The following RERE variants were observed in gnomAD, a reference collection of about 807,000 sequenced individuals.
RERE encodes arginine-glutamic acid dipeptide repeats protein.
In RERE, 40 loss-of-function variants were observed where a neutral mutation model predicts 146.1. The ratio of observed to expected loss-of-function variants is 0.27; its 90% CI spans 0.21 to 0.36. The LOEUF is 0.36. Among genes scored for constraint, RERE ranks in the 10% least tolerant of loss-of-function variants. RERE has a pLI of 1.00. For synonymous variants in RERE, 1,003 were observed against 866.0 expected, an observed-to-expected ratio of 1.16 and a Z score of -2.78; for missense variants, 1,933 against 2,138.7, an observed-to-expected ratio of 0.90 and a Z score of 1.90.
At chr1:8,808,351 A>G (rs145133329) in intron 1 of RERE, among the ~76,000 whole-genome samples, 258 of 152,250 alleles carry the variant, frequency 1.7e-3, no homozygotes, top group African/African-American at 6.0e-3. Flanking sequence ...CAAACCATCT[A>G]GAGTTCACCC....
intron 7 of RERE, among the ~76,000 whole-genome samples, chr1:8,540,104 T>C (rs1645781413): frequency 1.3e-5 from 2 of 152,084 alleles, no homozygotes; most frequent in South Asian, 2.1e-4. Flanking sequence ...TATTTTTTAT[T>C]CTTTTAAAAG....
chr1:8,798,989 G>C lies in RERE; in HGVS notation c.-145+18171C>G, dbSNP rs1204764865. On this transcript the variant is annotated intron_variant, in intron 1 of 22. Coordinates refer to ENST00000400908, the MANE Select transcript of RERE (RefSeq NM_001042681.2). ...TTACAGGCGTGAGCCACTGTGCCCG[G>C]CCTTTTTGTTTTTGTTTTTGTTTTG... Among the ~76,000 whole-genome samples the C allele has an allele frequency of 4.0e-5, 6 of 150,604 alleles. No homozygotes were observed. The East Asian group carries it at 1.2e-3, about 29-fold the overall frequency.
intron 11 of RERE, among the ~76,000 whole-genome samples, chr1:8,428,046 G>A (rs936162687): frequency 1.3e-5 from 2 of 152,082 alleles, no homozygotes; most frequent in Admixed American, 6.6e-5. Flanking sequence ...GCTGAAATTC[G>A]GCATTTCCAG....
intron 1 of RERE, among the ~76,000 whole-genome samples, chr1:8,717,605 G>A (rs1369361578): frequency 6.6e-6 from 1 of 152,160 alleles, no homozygotes; most frequent in East Asian, 1.9e-4. Context: ...GGCATCATTA[G>A]GCAGTAGCAA....
chr1:8,599,245 C>A (rs1171268397), intron 4 of RERE, among the ~76,000 whole-genome samples: 2 of 152,174 alleles, frequency 1.3e-5, no homozygotes, highest in East Asian at 3.8e-4. Context: ...GAGCTGAAAT[C>A]CTACCAGCCA....
Position 8,358,409 on chromosome 1 carries a change from T to C in RERE, c.4126A>G (p.Arg1376Gly). 1 of 1,603,200 alleles carries C rather than the reference T, an allele frequency of 6.2e-7. No homozygotes were observed. The highest frequency in any genetic ancestry group is 2.2e-5 in the East Asian group (1 of 44,544). The part of the protein sequence containing the change: ...SFHPGLNPLE[R>G]ERLALAGPQL... ...GGGCCCGCCAGGGCCAGTCTCTCCC[T>C]CTCCAAGGGGTTCAGGCCCGGGTGG... is the stretch of plus-strand genomic sequence containing the variant. Residue 1376 changes from arginine to glycine, a missense_variant, in exon 20 of 23, where the codon AGG becomes GGG. Coordinates refer to ENST00000400908, the MANE Select transcript of RERE (RefSeq NM_001042681.2).
rs140247592 is a variant in RERE, at chr1:8,787,880, T to C, written c.-145+29280A>G. ...TTTGGTGTATGGTTTTCCTTTATCG[T>C]TCTTAATTTAAAAGTATTACCAGCC... On this transcript the variant is annotated intron_variant, in intron 1 of 22. Transcript: ENST00000400908. Among the ~76,000 whole-genome samples, 737 of 150,170 alleles carry C rather than the reference T, an allele frequency of 4.9e-3. 4 individuals carry two copies. The highest frequency in any genetic ancestry group is 0.017 in the African/African-American group (708 of 40,850).
chr1:8,359,486 CAGG>C (rs1570027781), intron 19 of RERE, among the ~76,000 whole-genome samples: 2 of 152,360 alleles, frequency 1.3e-5, no homozygotes, highest in East Asian at 3.9e-4. Context: ...CCAAAGGCTG[CAGG>C]AGAAGGACAG....
intron 7 of RERE, among the ~76,000 whole-genome samples, chr1:8,517,590 CTT>C (rs767952880): frequency 1.3e-5 from 2 of 152,058 alleles, no homozygotes; most frequent in South Asian, 2.1e-4. Context: ...TTCTACAAAT[CTT>C]TGTTTTAGAA....
chr1:8,517,635 A>T (rs1254434384), intron 7 of RERE, among the ~76,000 whole-genome samples: 9 of 152,238 alleles, frequency 5.9e-5, no homozygotes, highest in Non-Finnish European at 1.5e-5. Flanking sequence ...GCCAAATTAC[A>T]ACAATAATGG....
At chr1:8,727,907 A>C (rs114750696) in intron 1 of RERE, among the ~76,000 whole-genome samples, 1,630 of 152,364 alleles carry the variant, frequency 0.011, 13 homozygotes, top group Middle Eastern at 0.02. Flanking sequence ...CAAACTGCAA[A>C]GACTTCTAAA....
intron 11 of RERE, among the ~76,000 whole-genome samples, chr1:8,441,251 C>T (rs1644244008): frequency 6.6e-6 from 1 of 152,132 alleles, no homozygotes; most frequent in African/African-American, 2.4e-5. Flanking sequence ...GACCATAGTC[C>T]GCAAAATGGG....
chr1:8,771,926 AAAAG>A (rs1235397212), intron 1 of RERE, among the ~76,000 whole-genome samples: 17 of 151,468 alleles, frequency 1.1e-4, no homozygotes, highest in African/African-American at 3.6e-4. Context: ...AAAAAAAAAA[AAAAG>A]AAAGAAAAAA....
intron 7 of RERE, among the ~76,000 whole-genome samples, chr1:8,539,721 A>G (rs979147686): frequency 3.3e-5 from 5 of 152,156 alleles, no homozygotes; most frequent in Non-Finnish European, 7.3e-5. Flanking sequence ...ACAGTTTTCT[A>G]AAGGAGAAAA....
chr1:8,529,695 C>G (rs1039372266), intron 7 of RERE, among the ~76,000 whole-genome samples: 5 of 152,092 alleles, frequency 3.3e-5, no homozygotes, highest in Non-Finnish European at 7.3e-5. Flanking sequence ...CACCCCCAAA[C>G]AGAAGTCAAT....
intron 2 of RERE, among the ~76,000 whole-genome samples, chr1:8,648,164 T>C (rs769318223): frequency 7.9e-5 from 12 of 152,184 alleles, no homozygotes; most frequent in Non-Finnish European, 1.8e-4. Flanking sequence ...TGTTTTAAAA[T>C]TTTCTATAAA....
At chr1:8,492,654 C>A (rs941558325) in intron 10 of RERE, among the ~76,000 whole-genome samples, 3 of 152,118 alleles carry the variant, frequency 2.0e-5, no homozygotes, top group Non-Finnish European at 2.9e-5. Flanking sequence ...AATCCCAGCA[C>A]TTTGGGAGGC....
chr1:8,771,770 C>T (rs1640955850), intron 1 of RERE, among the ~76,000 whole-genome samples: 3 of 151,352 alleles, frequency 2.0e-5, no homozygotes, highest in African/African-American at 4.9e-5. Flanking sequence ...ATTAGCCAGG[C>T]GCGGTGGCGG....
chr1:8,688,992 T>C (rs1315093789), intron 1 of RERE, among the ~76,000 whole-genome samples: 2 of 152,196 alleles, frequency 1.3e-5, no homozygotes, highest in Non-Finnish European at 2.9e-5. Flanking sequence ...TTGATTTGTA[T>C]ACTTTTTAAA....
Sources: gnomAD v4.1 joint callset for allele counts (sites outside exome capture counted in the v4.1 genomes callset) on GRCh38, gnomAD v4.1.1 for gene constraint, MANE v1.5 for transcripts, NCBI Gene and HGNC (gene_info 2026-07-23, HGNC 2026-07-21) for gene names.